COLEC11: variants seen among roughly 807,000 people sequenced by gnomAD.
COLEC11 encodes collectin subfamily member 11.
Under a neutral mutation model 27.3 loss-of-function variants are expected in COLEC11, and 20 were observed. The ratio of observed to expected loss-of-function variants is 0.73; its 90% CI spans 0.51 to 1.06. The LOEUF is 1.06. Among genes scored for constraint, COLEC11 ranks in the 50% least tolerant of loss-of-function variants. COLEC11 has a pLI of 0.00. For synonymous variants in COLEC11, 163 were observed against 154.7 expected, an observed-to-expected ratio of 1.05 and a Z score of -0.40; for missense variants, 310 against 383.0, an observed-to-expected ratio of 0.81 and a Z score of 1.59.
In COLEC11 at chr2:3,643,893, C is replaced by T. The variant is rs1469528690; in HGVS notation, c.591C>T (p.Gly197=). The T allele has an allele frequency of 6.2e-7, 1 of 1,613,984 alleles. No homozygotes were observed. Among genetic ancestry groups the T allele is most frequent in the Non-Finnish European group, 8.5e-7 (1 of 1,180,050 alleles). The change falls in exon 7 of 7, where the codon GGC becomes GGT. Residue 197 remains glycine, a synonymous_variant. Transcript: ENST00000349077. The part of the protein sequence containing the change: ...GLMAAYLAQA[G]LARVFIGIND... ...TGGCCGCATACCTGGCGCAAGCCGG[C>T]CTGGCCCGTGTCTTCATCGGCATCA...
Position 3,643,434 on chromosome 2 carries a change from G to GCC in COLEC11, c.329-6_329-5dup, listed in dbSNP as rs569221063. On this transcript the variant is annotated splice_polypyrimidine_tract_variant and intron_variant, in intron 5 of 6. Transcript: ENST00000349077. ...CCAGCGTTTGTAACGCGTGGGCCTG[G>GCC]CCCCCGCAGGCCTCCCATGTGAGTG... is the stretch of plus-strand genomic sequence containing the variant. 2.2e-4 allele frequency: 359 copies of GCC among 1,610,986 alleles called. 1 individual carries two copies. The highest frequency in any genetic ancestry group is 2.0e-3 in the African/African-American group (147 of 74,986).
chr2:3,638,280 G>A lies in COLEC11; in HGVS notation c.274+676G>A, dbSNP rs113635424. Among the ~76,000 whole-genome samples the A allele has an allele frequency of 2.3e-3, 357 of 152,348 alleles. 2 individuals are homozygous for A. The highest frequency in any genetic ancestry group is 8.4e-3 in the African/African-American group (348 of 41,586). ...GCCCCCCGCCATCTGGTCAGTGGAC[G>A]TCTTTGGAGCGCCTGGCTTGTTCCA... On this transcript the variant is annotated intron_variant, in intron 4 of 6. Coordinates refer to ENST00000349077, the MANE Select transcript of COLEC11 (RefSeq NM_024027.5).
At chr2:3,601,461 C>G (rs1312251329) in intron 1 of COLEC11, among the ~76,000 whole-genome samples, 2 of 152,134 alleles carry the variant, frequency 1.3e-5, no homozygotes, top group Non-Finnish European at 2.9e-5. Context: ...GACACTACAC[C>G]TGGCTGCTTT....
chr2:3,612,358 G>C (rs1663274206), intron 2 of COLEC11, among the ~76,000 whole-genome samples: 1 of 152,120 alleles, frequency 6.6e-6, no homozygotes, highest in Non-Finnish European at 1.5e-5. Context: ...AATGACTACA[G>C]AGCCGAGTCC....
intron 1 of COLEC11, chr2:3,603,305 TTTTA>T (rs1662374680): frequency 5.6e-6 from 1 of 180,062 alleles, no homozygotes; most frequent in South Asian, 1.2e-4. Context: ...GTTTTCCGAG[TTTTA>T]TTTATTTATT....
At chr2:3,642,033 T>C (rs1363721709) in intron 5 of COLEC11, among the ~76,000 whole-genome samples, 1 of 152,172 alleles carries the variant, frequency 6.6e-6, no homozygotes, top group Non-Finnish European at 1.5e-5. Context: ...TTAGGGTCCG[T>C]CCAGGGACTA....
intron 1 of COLEC11, among the ~76,000 whole-genome samples, chr2:3,601,147 A>G (rs556925327): frequency 6.6e-6 from 1 of 152,154 alleles, no homozygotes; most frequent in East Asian, 1.9e-4. Context: ...CACCCTTCCC[A>G]CACGGGCAGG....
chr2:3,630,571 A>G (rs918253054), intron 3 of COLEC11, among the ~76,000 whole-genome samples: 11 of 152,200 alleles, frequency 7.2e-5, no homozygotes, highest in Admixed American at 6.5e-5. Context: ...AGAAGTCAGA[A>G]AGAGCCAAAC....
intron 3 of COLEC11, among the ~76,000 whole-genome samples, chr2:3,634,468 G>T (rs1163296084): frequency 6.6e-6 from 1 of 152,228 alleles, no homozygotes; most frequent in East Asian, 1.9e-4. Flanking sequence ...GCCTCCTCCT[G>T]CAGCAAAGCA....
intron 1 of COLEC11, among the ~76,000 whole-genome samples, chr2:3,599,106 C>T (rs78275220): frequency 5.3e-5 from 8 of 152,192 alleles, no homozygotes; most frequent in Non-Finnish European, 7.3e-5. Flanking sequence ...ACCCTCACCA[C>T]ACACTGGTTA....
chr2:3,608,305 C>T (rs1356630759), intron 2 of COLEC11, among the ~76,000 whole-genome samples: 1 of 152,176 alleles, frequency 6.6e-6, no homozygotes, highest in East Asian at 1.9e-4. Flanking sequence ...GAAATGTTAG[C>T]CTCTCCTGGT....
intron 3 of COLEC11, among the ~76,000 whole-genome samples, chr2:3,620,229 C>G (rs1386837672): frequency 6.6e-6 from 1 of 151,976 alleles, no homozygotes; most frequent in African/African-American, 2.4e-5. Flanking sequence ...ACTACAGAAT[C>G]AGTCTCATTA....
intron 1 of COLEC11, chr2:3,603,792 C>A: frequency 1.2e-6 from 1 of 868,880 alleles, no homozygotes. Context: ...CTGATCTCAC[C>A]GAGGAAGGCC....
chr2:3,621,555 A>C (rs186551618), intron 3 of COLEC11, among the ~76,000 whole-genome samples: 1 of 152,326 alleles, frequency 6.6e-6, no homozygotes, highest in Non-Finnish European at 1.5e-5. Flanking sequence ...ATTGATAGTT[A>C]AGGATTTGCC....
chr2:3,620,150 T>C (rs1204189601), intron 3 of COLEC11, among the ~76,000 whole-genome samples: 1 of 152,226 alleles, frequency 6.6e-6, no homozygotes, highest in East Asian at 1.9e-4. Flanking sequence ...TTAATTCCTA[T>C]TTAAATTTTT....
intron 3 of COLEC11, among the ~76,000 whole-genome samples, chr2:3,626,922 G>GCCA (rs1664596361): frequency 6.6e-6 from 1 of 152,106 alleles, no homozygotes; most frequent in Non-Finnish European, 1.5e-5. Context: ...GACCTCAGCC[G>GCCA]CCACCACCCT....
intron 5 of COLEC11, chr2:3,641,172 C>G: frequency 7.8e-7 from 1 of 1,275,980 alleles, no homozygotes; most frequent in Non-Finnish European, 1.0e-6. Flanking sequence ...CGAGAAGGAT[C>G]TGACTCTTGG....
At chr2:3,624,251 G>A (rs1054641207) in intron 3 of COLEC11, among the ~76,000 whole-genome samples, 1 of 152,172 alleles carries the variant, frequency 6.6e-6, no homozygotes, top group African/African-American at 2.4e-5. Flanking sequence ...CATCTGTGGG[G>A]GTGCCTTTGG....
In COLEC11 at chr2:3,606,372, C is replaced by A. The variant is rs555863797; in HGVS notation, c.130+1902C>A. On this transcript the variant is annotated intron_variant, in intron 2 of 6. Transcript: ENST00000349077. The stretch of plus-strand genomic sequence containing the variant: ...GTCCTGGGTCCCCTGGATGTGCTGT[C>A]ATTTCCCACATGGGTAGGGTCCCTT... The A allele has an allele frequency of 7.7e-6, 6 of 775,890 alleles. No homozygotes were observed. In the African/African-American group the frequency reaches 1.0e-4, roughly 13 times the overall value. 48.1% of individuals were successfully genotyped at this position (775,890 alleles called of 1,614,324 possible). A position where few individuals can be genotyped will look rare whatever the true frequency, so the allele number is the denominator to read the frequency against.
Sources: allele counts gnomAD v4.1 joint callset (sites outside exome capture counted in the v4.1 genomes callset), GRCh38; gene constraint gnomAD v4.1.1; transcripts MANE v1.5; gene names NCBI Gene and HGNC (gene_info 2026-07-23, HGNC 2026-07-21).